The following PDPR variants were observed in gnomAD, a reference collection of about 807,000 sequenced individuals.
PDPR encodes the protein pyruvate dehydrogenase phosphatase regulatory subunit, mitochondrial.
Under a neutral mutation model 102.2 loss-of-function variants are expected in PDPR, and 50 were observed. The ratio of observed to expected loss-of-function variants is 0.49; its 90% CI spans 0.39 to 0.62. The LOEUF (loss-of-function observed/expected upper bound fraction) is 0.62. PDPR is among the 20% of genes least tolerant of loss of function. The pLI, the probability that PDPR is intolerant of heterozygous loss-of-function variation, is 0.00. For synonymous variants in PDPR, 259 were observed against 406.0 expected (o/e 0.64, Z 4.35); for missense variants, 625 against 1,098.2 (o/e 0.57, Z 6.09).
At chr16:70,154,709 G>A (rs931889516) in intron 18 of PDPR, among the ~76,000 whole-genome samples, 4 of 152,166 alleles carry the variant, frequency 2.6e-5, no homozygotes, top group South Asian at 4.1e-4. Context: ...GTGGCGCGAT[G>A]TTGGCTCACT....
intron 16 of PDPR, among the ~76,000 whole-genome samples, chr16:70,146,608 ACT>A (rs1241557443): frequency 1.4e-4 from 15 of 104,530 alleles, no homozygotes; most frequent in African/African-American, 5.8e-4. Context: ...ACAGAGTGAG[ACT>A]CTGTCTCAAA....
chr16:70,156,865 T>G lies in PDPR; in HGVS notation c.2626T>G (p.Leu876Val). 6.2e-7 allele frequency: 1 copy of G among 1,613,702 alleles called. No homozygotes were observed. Among genetic ancestry groups the G allele is most frequent in the Non-Finnish European group, 8.5e-7 (1 of 1,179,736 alleles). The change falls in exon 19 of 19, where the codon TTA (leucine) becomes GTA (valine). Residue 876 changes from leucine (L) to valine (V), a missense_variant. This residue lies in a region of PDPR where 303 missense variants were observed against 258.9 expected (regional missense o/e 1.17). Coordinates refer to ENST00000288050, the MANE Select transcript of PDPR (RefSeq NM_017990.5). ...AAAGGATGACATGGAGCTGAGTGAC[T>G]TACATGGGAAGTGATGCCACCAGGG... The part of the protein sequence containing the change: ...RRKDDMELSD[L>V]HGK
rs2152082357 is a variant in PDPR at position 70,132,181 on chromosome 16, T to G, written c.878T>G (p.Ile293Ser). The change falls in exon 9 of 19, where the codon ATT becomes AGT. Residue 293 changes from isoleucine (I) to serine (S), a missense_variant. This residue lies in a region of PDPR where 16 missense variants were observed against 93.0 expected (regional missense o/e 0.17). Coordinates refer to ENST00000288050, the MANE Select transcript of PDPR (RefSeq NM_017990.5). ...GTGGATGCTGATGGAAGAATTTATATTCGGAACTGGCAGGGTGGCATCCTG... is the reference window on the plus strand; with the variant it reads ...GTGGATGCTGATGGAAGAATTTATAGTCGGAACTGGCAGGGTGGCATCCTG... ...TIVDADGRIYIRNWQGGILSG... is the reference protein window; with the variant it reads ...TIVDADGRIYSRNWQGGILSG... The G allele has an allele frequency of 6.2e-7, 1 of 1,613,388 alleles. No individual in the cohort carries two copies. Among genetic ancestry groups the G allele is most frequent in the South Asian group, 1.1e-5 (1 of 91,056 alleles).
intron 2 of PDPR, among the ~76,000 whole-genome samples, chr16:70,117,646 C>G (rs935815937): frequency 1.3e-5 from 2 of 152,188 alleles, no homozygotes; most frequent in Non-Finnish European, 2.9e-5. Flanking sequence ...AGAACACTCA[C>G]GCCTCACCTG....
intron 17 of PDPR, among the ~76,000 whole-genome samples, chr16:70,148,895 T>G (rs183671104): frequency 1.6e-4 from 24 of 150,738 alleles, no homozygotes; most frequent in East Asian, 6.0e-4. Context: ...AATTCATAAT[T>G]AATTTTTTTT....
intron 3 of PDPR, among the ~76,000 whole-genome samples, chr16:70,122,846 T>TACACACACAC (rs1437017547): frequency 6.5e-5 from 4 of 61,228 alleles, no homozygotes; most frequent in East Asian, 3.8e-4. Flanking sequence ...TATATCTGTA[T>TACACACACAC]ACACACATAC....
intron 1 of PDPR, 144 bp from the exon 2 acceptor site, chr16:70,114,677 G>C (rs1206272546): frequency 6.6e-6 from 1 of 152,328 alleles, no homozygotes; most frequent in Non-Finnish European, 1.5e-5. Flanking sequence ...CCCTGGGCGT[G>C]CGCACCGCTC....
chr16:70,128,326 C>T (rs1964188870), intron 4 of PDPR, among the ~76,000 whole-genome samples: 1 of 152,194 alleles, frequency 6.6e-6, no homozygotes, highest in Admixed American at 6.5e-5. Context: ...CTCCTGGGTT[C>T]AAGCAATTCT....
Position 70,153,534 on chromosome 16 carries a change from C to T in PDPR, c.2196C>T (p.Pro732=), listed in dbSNP as rs1176310526. ...AGGATATAAATAACCTCACCACGCC[C>T]CTGGAATGTGGACGAGAGTCTCGGG... ...WGQDINNLTT[P]LECGRESRVK... The change falls in exon 18 of 19, where the codon CCC becomes CCT. Residue 732 remains proline, a synonymous_variant. Transcript: ENST00000288050. 6 of 1,611,194 alleles carry T rather than the reference C, an allele frequency of 3.7e-6. No individual in the cohort carries two copies. The highest frequency in any genetic ancestry group is 3.4e-5 in the Admixed American group (2 of 59,132).
At chr16:70,154,527 A>G (rs1966897343) in intron 18 of PDPR, among the ~76,000 whole-genome samples, 1 of 152,284 alleles carries the variant, frequency 6.6e-6, no homozygotes, top group Non-Finnish European at 1.5e-5. Flanking sequence ...TGTCTAAAAG[A>G]CTGAGTGCTT....
At chr16:70,133,471 G>A (rs1163427442) in intron 9 of PDPR, among the ~76,000 whole-genome samples, 2 of 139,244 alleles carry the variant, frequency 1.4e-5, no homozygotes, top group East Asian at 2.4e-4. Flanking sequence ...AGACTGGAGT[G>A]CAGTGGCACA....
At chr16:70,127,643 T>C (rs1335089870) in intron 4 of PDPR, among the ~76,000 whole-genome samples, 1 of 152,356 alleles carries the variant, frequency 6.6e-6, no homozygotes, top group African/African-American at 2.4e-5. Flanking sequence ...TAAGAAAATA[T>C]GTAAATTATC....
Position 70,156,930 on chromosome 16 carries a change from C to G in PDPR, c.*51C>G. On this transcript the variant is annotated 3_prime_UTR_variant, in exon 19 of 19. Coordinates refer to ENST00000288050, the MANE Select transcript of PDPR (RefSeq NM_017990.5). Reference sequence around the variant, plus strand: ...CCCCATCATCTTGTCCTAGAGTGGGCGTCACCTTGGAGCTTCTCTTCCTTC... The same window carrying G: ...CCCCATCATCTTGTCCTAGAGTGGGGGTCACCTTGGAGCTTCTCTTCCTTC... 1 of 1,590,230 alleles carries G rather than the reference C, an allele frequency of 6.3e-7. No homozygotes were observed. The highest frequency in any genetic ancestry group is 1.8e-5 in the Admixed American group (1 of 56,154).
Position 70,142,404 on chromosome 16 carries a change from T to A in PDPR, c.1471+15T>A. ...CCCCGACAAGGGTAAGAAGTCACAT[T>A]CTCATTTTTGCTTCTTTTTTTTTTT... On this transcript the variant is annotated intron_variant, in intron 12 of 18. Transcript: ENST00000288050. The A allele has an allele frequency of 6.2e-7, 1 of 1,613,044 alleles. No homozygotes were observed. Among genetic ancestry groups the A allele is most frequent in the Non-Finnish European group, 8.5e-7 (1 of 1,179,750 alleles).
At chr16:70,144,886 C>G (rs1252177127) in intron 15 of PDPR, among the ~76,000 whole-genome samples, 1 of 151,842 alleles carries the variant, frequency 6.6e-6, no homozygotes, top group East Asian at 2.0e-4. Context: ...ACCCAGGAGG[C>G]AGAGGTTGCA....
At chr16:70,149,861 G>A (rs57325071) in intron 17 of PDPR, among the ~76,000 whole-genome samples, 2 of 152,186 alleles carry the variant, frequency 1.3e-5, no homozygotes, top group East Asian at 3.9e-4. Flanking sequence ...CGCAATCTCG[G>A]CTCACTGCAA....
At chr16:70,143,462 C>A in intron 13 of PDPR, 48 bp from the exon 14 acceptor site, 2 of 1,602,414 alleles carry the variant, frequency 1.2e-6, no homozygotes. Context: ...GTGGCCCAGC[C>A]AGGTGCTCTC....
At chr16:70,132,121 T>C (rs1386738392) in intron 8 of PDPR, 30 bp from the exon 9 acceptor site, 2 of 1,602,184 alleles carry the variant, frequency 1.2e-6, no homozygotes, top group African/African-American at 1.3e-5. Context: ...TTTCTTCCAC[T>C]CCCCACTCCA....
intron 10 of PDPR, among the ~76,000 whole-genome samples, chr16:70,137,122 G>A (rs553446164): frequency 6.6e-6 from 1 of 152,298 alleles, no homozygotes; most frequent in South Asian, 2.1e-4. Context: ...GGAGGCCGAG[G>A]TGGGCGGATC....
Sources: allele counts gnomAD v4.1 joint callset (sites outside exome capture counted in the v4.1 genomes callset), GRCh38; gene constraint gnomAD v4.1.1; regional missense constraint gnomAD v4.1.1; transcripts MANE v1.5; gene names NCBI Gene and HGNC (gene_info 2026-07-23, HGNC 2026-07-21).